KIF24: variants seen among roughly 807,000 people sequenced by gnomAD.
KIF24 encodes kinesin-like protein KIF24.
A neutral mutation model predicts 118.9 loss-of-function variants in KIF24; 81 were observed. The ratio of observed to expected loss-of-function variants is 0.68; its 90% confidence interval spans 0.57 to 0.82. The LOEUF (loss-of-function observed/expected upper bound fraction) is 0.82. Ranked by LOEUF, KIF24 falls within the 40% of genes least tolerant of loss-of-function variation. The pLI, the probability that KIF24 is intolerant of heterozygous loss-of-function variation, is 0.00. For missense variants in KIF24, 1,560 were observed against 1,661.6 expected (o/e 0.94, Z 1.06); for synonymous variants, 599 against 610.0 (o/e 0.98, Z 0.27).
upstream of KIF24, among the ~76,000 whole-genome samples, chr9:34,332,241 A>G (rs1837961916): frequency 6.6e-6 from 1 of 152,180 alleles, no homozygotes; most frequent in Non-Finnish European, 1.5e-5. Flanking sequence ...GGTGTTGCCC[A>G]CACTCCTCCC....
chr9:34,260,533 C>A (rs1255532313), intron 9 of KIF24, among the ~76,000 whole-genome samples: 2 of 152,192 alleles, frequency 1.3e-5, no homozygotes, highest in African/African-American at 4.8e-5. Context: ...GAAGGAAGTT[C>A]ACTAACGTAG....
chr9:34,328,458 A>T (rs957141754), intron 1 of KIF24, among the ~76,000 whole-genome samples: 1 of 152,188 alleles, frequency 6.6e-6, no homozygotes, highest in Non-Finnish European at 1.5e-5. Flanking sequence ...GCAGCAACCA[A>T]TCCAAAAAAG....
At chr9:34,258,883 T>C (rs1666558557) in intron 10 of KIF24, among the ~76,000 whole-genome samples, 1 of 152,146 alleles carries the variant, frequency 6.6e-6, no homozygotes, top group African/African-American at 2.4e-5. Context: ...TTGTACCAGA[T>C]AATTATTTCT....
At chr9:34,283,198 C>T (rs1469925188) in intron 6 of KIF24, among the ~76,000 whole-genome samples, 1 of 151,786 alleles carries the variant, frequency 6.6e-6, no homozygotes, top group African/African-American at 2.4e-5. Context: ...GAAACCCCAT[C>T]TCTACTAAAA....
intron 6 of KIF24, among the ~76,000 whole-genome samples, chr9:34,282,100 A>T (rs1250249377): frequency 6.6e-6 from 1 of 152,220 alleles, no homozygotes. Context: ...TCACAGCAAC[A>T]TTATTCATAA....
intron 6 of KIF24, among the ~76,000 whole-genome samples, chr9:34,279,578 C>G (rs1426865388): frequency 6.6e-6 from 1 of 152,226 alleles, no homozygotes; most frequent in African/African-American, 2.4e-5. Flanking sequence ...ATCAAATACA[C>G]TGGGAAGGAG....
intron 3 of KIF24, among the ~76,000 whole-genome samples, chr9:34,298,338 G>GAC: frequency 6.6e-6 from 1 of 152,242 alleles, no homozygotes; most frequent in East Asian, 1.9e-4. Context: ...CTGAGGTCAG[G>GAC]AGTTTGAGAC....
chr9:34,254,937 G>A (rs1336187897), intron 12 of KIF24, 135 bp downstream of exon 12: 2 of 634,828 alleles, frequency 3.2e-6, no homozygotes, highest in Admixed American at 5.1e-5. Context: ...AAGAGGAGGT[G>A]TGAGGCCTCA....
Position 34,263,217 on chromosome 9 carries a change from G to C in KIF24, c.1444-45C>G, listed in dbSNP as rs767761744. ...GCACATCAAGTATCAAGTGCAAAGG[G>C]AGAGTAACAGACCTGATGCCGCCTC... On this transcript the variant is annotated intron_variant, in intron 8 of 12. Coordinates refer to ENST00000402558, the MANE Select transcript of KIF24 (RefSeq NM_194313.4). The C allele has an allele frequency of 1.1e-5, 15 of 1,420,362 alleles. No individual in the cohort carries two copies. In the South Asian group the frequency reaches 1.6e-4, roughly 16 times the overall value. 88.0% of individuals were successfully genotyped at this position (1,420,362 alleles called of 1,614,324 possible). A position where few individuals can be genotyped will look rare whatever the true frequency, so the allele number is the denominator to read the frequency against.
intron 10 of KIF24, among the ~76,000 whole-genome samples, 200 bp downstream of exon 10, chr9:34,259,396 C>T (rs1249795389): frequency 6.6e-6 from 1 of 152,238 alleles, no homozygotes; most frequent in African/African-American, 2.4e-5. Flanking sequence ...ACAGGGCCTA[C>T]CAGGTCACAG....
chr9:34,306,494 T>C, intron 2 of KIF24, 53 bp from the exon 3 acceptor site: 1 of 1,262,336 alleles, frequency 7.9e-7, no homozygotes, highest in Non-Finnish European at 1.1e-6. Flanking sequence ...CAAGATTACT[T>C]AACAGGTCAA....
chr9:34,291,237 C>T (rs2131754171), intron 4 of KIF24, among the ~76,000 whole-genome samples: 1 of 152,154 alleles, frequency 6.6e-6, no homozygotes, highest in South Asian at 2.1e-4. Flanking sequence ...TTGGGCTGGG[C>T]CTTGAAGGCA....
chr9:34,286,726 T>A (rs1204674736), intron 5 of KIF24, 22 bp from the exon 6 acceptor site: 2 of 1,525,326 alleles, frequency 1.3e-6, no homozygotes, highest in South Asian at 2.2e-5. Flanking sequence ...AGAAAGTGGT[T>A]GGTATGATGG....
chr9:34,320,882 AC>A (rs921092255), intron 1 of KIF24, among the ~76,000 whole-genome samples: 3 of 152,174 alleles, frequency 2.0e-5, no homozygotes, highest in Non-Finnish European at 4.4e-5. Flanking sequence ...AGACAGGCTT[AC>A]CAGGATAATG....
intron 1 of KIF24, among the ~76,000 whole-genome samples, chr9:34,328,736 T>C (rs1357955503): frequency 2.6e-5 from 4 of 152,172 alleles, no homozygotes; most frequent in South Asian, 2.1e-4. Context: ...CAAAATTTTA[T>C]GGGAAAAGGG....
chr9:34,270,220 G>GA (rs1199072244), intron 7 of KIF24, among the ~76,000 whole-genome samples: 167 of 90,834 alleles, frequency 1.8e-3, no homozygotes, highest in Middle Eastern at 9.8e-3. Flanking sequence ...TCCATCTCAA[G>GA]AAAAAAAAAA....
Position 34,258,012 on chromosome 9 carries a change from A to G in KIF24, c.1626-31T>C, listed in dbSNP as rs756771661. On this transcript the variant is annotated intron_variant, in intron 10 of 12. Transcript: ENST00000402558. Reference sequence around the variant, plus strand: ...AATAATCATTTTATGTTAAATGTGTATTTTCACATGTTCTGCAATTCCTTT... The same window carrying G: ...AATAATCATTTTATGTTAAATGTGTGTTTTCACATGTTCTGCAATTCCTTT... 8 of 1,465,928 alleles carry G rather than the reference A, an allele frequency of 5.5e-6. No homozygotes were observed. The South Asian group carries it at 6.5e-5, about 12-fold the overall frequency. The allele number at this position is 1,465,928 out of a possible 1,614,324, so 90.8% of individuals were successfully genotyped here.
chr9:34,288,318 T>C (rs984970533), intron 5 of KIF24, among the ~76,000 whole-genome samples: 1 of 152,036 alleles, frequency 6.6e-6, no homozygotes, highest in African/African-American at 2.4e-5. Flanking sequence ...AGGGAGACCC[T>C]GTGTCTACAA....
chr9:34,301,997 CTTT>C (rs778142590), intron 3 of KIF24, among the ~76,000 whole-genome samples: 1 of 137,662 alleles, frequency 7.3e-6, no homozygotes, highest in Admixed American at 7.4e-5. Context: ...ATTTTTTTTT[CTTT>C]TTTTTTTTTT....
Sources: allele counts gnomAD v4.1 joint callset (sites outside exome capture counted in the v4.1 genomes callset), GRCh38; gene constraint gnomAD v4.1.1; transcripts MANE v1.5; gene names NCBI Gene and HGNC (gene_info 2026-07-23, HGNC 2026-07-21).